Variants in MYO5B observed in about 807,000 individuals in gnomAD.
MYO5B encodes the protein myosin VB.
In MYO5B, 143 loss-of-function variants were observed where a neutral mutation model predicts 229.3. The observed-to-expected ratio is 0.62, with a 90% CI of 0.54 to 0.72. The LOEUF (loss-of-function observed/expected upper bound fraction) is 0.72. MYO5B is among the 30% of genes least tolerant of loss of function. The pLI is 0.00. For synonymous variants in MYO5B, 918 were observed against 885.2 expected (o/e 1.04, Z -0.66); for missense variants, 2,321 against 2,331.0 (o/e 1.00, Z 0.09).
At chr18:49,940,317 TCAG>T (rs768856886) in intron 14 of MYO5B, among the ~76,000 whole-genome samples, 1 of 152,184 alleles carries the variant, frequency 6.6e-6, no homozygotes, top group Non-Finnish European at 1.5e-5. Context: ...TGGTATCACA[TCAG>T]CACATTACAG....
intron 15 of MYO5B, among the ~76,000 whole-genome samples, chr18:49,936,785 C>CA (rs1211392854): frequency 6.6e-6 from 1 of 152,192 alleles, no homozygotes; most frequent in East Asian, 1.9e-4. Context: ...CTCATAGGAA[C>CA]AAATGTTAGG....
chr18:50,093,232 GCA>G lies in MYO5B; in HGVS notation c.28-37856_28-37855del, dbSNP rs141376064. Reference sequence around the variant, plus strand: ...GACACACACACACACACACAGAGAGGCACACACACACACAAAAGAATATTAGT... The same window carrying G: ...GACACACACACACACACACAGAGAGGCACACACACACAAAAGAATATTAGT... On this transcript the variant is annotated intron_variant, in intron 1 of 39. Coordinates refer to ENST00000285039, the MANE Select transcript of MYO5B (RefSeq NM_001080467.3). Among the ~76,000 whole-genome samples the G allele has an allele frequency of 3.5e-5, 5 of 143,082 alleles. No individual in the cohort carries two copies. The South Asian group carries it at 8.9e-4, about 26-fold the overall frequency. The allele number at this position is 143,082 out of a possible 152,430, so 93.9% of individuals were successfully genotyped here.
intron 17 of MYO5B, among the ~76,000 whole-genome samples, chr18:49,920,420 T>C (rs913430261): frequency 2.0e-5 from 3 of 152,098 alleles, no homozygotes; most frequent in Non-Finnish European, 4.4e-5. Flanking sequence ...AGTGCAAAGG[T>C]TGTCACATGC....
intron 4 of MYO5B, among the ~76,000 whole-genome samples, chr18:50,030,462 C>A (rs2001370): frequency 6.6e-6 from 1 of 152,120 alleles, no homozygotes. Flanking sequence ...GGCTTTTTCA[C>A]GATGGACACT....
intron 1 of MYO5B, among the ~76,000 whole-genome samples, chr18:50,071,309 C>G (rs1158463539): frequency 2.0e-5 from 3 of 152,184 alleles, no homozygotes; most frequent in Non-Finnish European, 4.4e-5. Flanking sequence ...TGTGTTTTTA[C>G]TATAACAGCC....
At chr18:49,968,233 G>A (rs372521490) in intron 10 of MYO5B, among the ~76,000 whole-genome samples, 27 of 152,146 alleles carry the variant, frequency 1.8e-4, no homozygotes, top group African/African-American at 3.6e-4. Context: ...ACTGAGGGTC[G>A]GGCTGCTTAT....
At position 49,864,246 on chromosome 18, in the gene MYO5B, C is replaced by G. The variant is rs530758620; in HGVS notation, c.3738G>C (p.Gln1246His). ...CGAGCTCCTCGTGGGCCAGCTTGAG[C>G]TGGTTCAGCAGGAGGCTGTAGCTAT... is the stretch of plus-strand genomic sequence containing the variant. The part of the protein sequence containing the change: ...SPDSYSLLLN[Q>H]LKLAHEELEV... Residue 1246 changes from glutamine to histidine, a missense_variant, in exon 28 of 40, where the codon CAG becomes CAC. Physicochemically the swap from Gln to His is conservative, Grantham distance 24. Around this residue, in one of 2 missense-constraint regions of MYO5B, gnomAD observed 2,113 missense variants for 2,044.7 expected, o/e 1.03. Coordinates refer to ENST00000285039, the MANE Select transcript of MYO5B (RefSeq NM_001080467.3). 96 of 1,614,146 alleles carry G rather than the reference C, an allele frequency of 5.9e-5. No homozygotes were observed. The highest frequency in any genetic ancestry group is 3.3e-4 in the Middle Eastern group (2 of 6,062).
intron 2 of MYO5B, among the ~76,000 whole-genome samples, chr18:50,054,110 C>A (rs1046717821): frequency 5.3e-5 from 8 of 152,202 alleles, no homozygotes; most frequent in Non-Finnish European, 1.2e-4. Flanking sequence ...TGGCCTCCTT[C>A]CCTTTCCTGG....
intron 22 of MYO5B, among the ~76,000 whole-genome samples, chr18:49,889,169 C>T (rs2024680513): frequency 6.6e-6 from 1 of 152,072 alleles, no homozygotes; most frequent in East Asian, 1.9e-4. Context: ...TTATAGTTGA[C>T]CAAAATATCT....
chr18:50,129,330 A>G (rs903674836), intron 1 of MYO5B, among the ~76,000 whole-genome samples: 20 of 152,244 alleles, frequency 1.3e-4, no homozygotes, highest in Admixed American at 7.8e-4. Context: ...CCTCAAGGGA[A>G]CTTCAACAGA....
chr18:50,146,652 T>G (rs1041194399), intron 1 of MYO5B, among the ~76,000 whole-genome samples: 2 of 152,226 alleles, frequency 1.3e-5, no homozygotes, highest in African/African-American at 2.4e-5. Flanking sequence ...GTGTTTAAGT[T>G]CTATACTTTC....
At chr18:49,986,488 C>T (rs1179216594) in intron 7 of MYO5B, among the ~76,000 whole-genome samples, 4 of 152,180 alleles carry the variant, frequency 2.6e-5, no homozygotes, top group African/African-American at 9.7e-5. Context: ...TGAAGGTTTC[C>T]TGGAGGAGTA....
chr18:49,853,432 T>C lies in MYO5B; in HGVS notation c.4221+17A>G. On this transcript the variant is annotated intron_variant, in intron 31 of 39. Transcript: ENST00000285039. ...GTGACTTCCCAAAGCTGGGGTCCAC[T>C]AGACATGGCTACCCACCAGATTCTC... 5.0e-6 allele frequency: 8 copies of C among 1,613,808 alleles called. No homozygotes were observed. The highest frequency in any genetic ancestry group is 6.8e-6 in the Non-Finnish European group (8 of 1,179,920).
intron 20 of MYO5B, among the ~76,000 whole-genome samples, chr18:49,904,309 G>C (rs1357602999): frequency 6.6e-6 from 1 of 152,114 alleles, no homozygotes. Context: ...CTCACCATGC[G>C]ACCTCTGCAC....
intron 1 of MYO5B, among the ~76,000 whole-genome samples, chr18:50,104,155 G>T (rs1343534388): frequency 4.9e-5 from 2 of 40,584 alleles, no homozygotes; most frequent in Admixed American, 3.0e-4. Flanking sequence ...CAACAGATGA[G>T]AACTTGTCTA....
rs568469140 is a variant in MYO5B, at chr18:50,119,047, G to A, written c.28-63669C>T. 3.3e-5 allele frequency among the ~76,000 whole-genome samples: 5 copies of A among 152,276 alleles called. No individual in the cohort carries two copies. The East Asian group carries it at 5.8e-4, about 18-fold the overall frequency. On this transcript the variant is annotated intron_variant, in intron 1 of 39. Coordinates refer to ENST00000285039, the MANE Select transcript of MYO5B (RefSeq NM_001080467.3). ...AATGATCAAGAGCTCTTCAAATTCTGGACTTCTAGAATAGTGTTTCTCTAA... is the reference window on the plus strand; with the variant it reads ...AATGATCAAGAGCTCTTCAAATTCTAGACTTCTAGAATAGTGTTTCTCTAA...
chr18:50,055,720 A>G (rs1002531038), intron 1 of MYO5B, among the ~76,000 whole-genome samples: 3 of 152,228 alleles, frequency 2.0e-5, no homozygotes, highest in Non-Finnish European at 2.9e-5. Context: ...TGTCAGAGGG[A>G]GTTATTTAGC....
chr18:50,013,696 A>T (rs2026186175), intron 4 of MYO5B, among the ~76,000 whole-genome samples: 1 of 152,194 alleles, frequency 6.6e-6, no homozygotes, highest in Admixed American at 6.5e-5. Flanking sequence ...AACACAGACG[A>T]CCAAAACTCA....
At chr18:50,154,310 A>G (rs1020292774) in intron 1 of MYO5B, among the ~76,000 whole-genome samples, 9 of 152,210 alleles carry the variant, frequency 5.9e-5, no homozygotes, top group Non-Finnish European at 1.2e-4. Flanking sequence ...CCCACCCAAA[A>G]AAGTCAATGA....
Sources: allele counts gnomAD v4.1 joint callset (sites outside exome capture counted in the v4.1 genomes callset), GRCh38; gene constraint gnomAD v4.1.1; regional missense constraint gnomAD v4.1.1; transcripts MANE v1.5; gene names NCBI Gene and HGNC (gene_info 2026-07-23, HGNC 2026-07-21).